NCKAP5: variants seen among roughly 807,000 people sequenced by gnomAD.
The protein encoded by NCKAP5 is nck-associated protein 5.
A neutral mutation model predicts 167.0 loss-of-function variants in NCKAP5; 92 were observed. The ratio of observed to expected loss-of-function variants is 0.55; its 90% CI spans 0.47 to 0.66. The LOEUF is 0.66. Ranked by LOEUF, NCKAP5 falls within the 30% of genes least tolerant of loss-of-function variation. The pLI, the probability that NCKAP5 is intolerant of heterozygous loss-of-function variation, is 0.00. For synonymous variants in NCKAP5, 891 were observed against 877.4 expected (o/e 1.02, Z -0.27); for missense variants, 2,378 against 2,315.0 (o/e 1.03, Z -0.56).
At chr2:133,219,415 A>T (rs569343404) in intron 4 of NCKAP5, among the ~76,000 whole-genome samples, 1 of 152,330 alleles carries the variant, frequency 6.6e-6, no homozygotes, top group East Asian at 1.9e-4. Flanking sequence ...TAAGACATTT[A>T]TGCAGGAAAT....
At chr2:133,032,458 G>A (rs2078910553) in intron 6 of NCKAP5, among the ~76,000 whole-genome samples, 3 of 152,170 alleles carry the variant, frequency 2.0e-5, no homozygotes, top group Admixed American at 1.3e-4. Context: ...TAGAACACCA[G>A]GTAGACTTCT....
chr2:132,973,142 C>T (rs919749220), intron 7 of NCKAP5, among the ~76,000 whole-genome samples: 4 of 152,190 alleles, frequency 2.6e-5, no homozygotes, highest in African/African-American at 9.7e-5. Context: ...CTGCCTTCTA[C>T]ACCGTCACTG....
chr2:133,333,527 G>T, intron 3 of NCKAP5, among the ~76,000 whole-genome samples: 1 of 152,200 alleles, frequency 6.6e-6, no homozygotes, highest in Middle Eastern at 3.4e-3. Flanking sequence ...AAGACTCAAC[G>T]GTCCTACCTT....
chr2:132,773,930 G>A (rs773996549), intron 15 of NCKAP5, 36 bp from the exon 16 acceptor site: 5 of 1,561,534 alleles, frequency 3.2e-6, no homozygotes, highest in Middle Eastern at 1.8e-4. Flanking sequence ...GTTCTTATTT[G>A]TTTTATTAAA....
At chr2:133,608,384 G>A in the NCKAP5 span, among the ~76,000 whole-genome samples, 1 of 152,142 alleles carries the variant, frequency 6.6e-6, no homozygotes, top group African/African-American at 2.4e-5. Context: ...ATCAAAAGCT[G>A]TATATACTAC....
intron 5 of NCKAP5, 149 bp downstream of exon 5, chr2:133,213,567 A>C: frequency 2.8e-6 from 2 of 722,674 alleles, no homozygotes; most frequent in Non-Finnish European, 2.3e-6. Flanking sequence ...GAGCTGTATA[A>C]ATTCTATTAT....
chr2:133,151,872 TG>T (rs976271288), intron 5 of NCKAP5, among the ~76,000 whole-genome samples: 2 of 152,046 alleles, frequency 1.3e-5, no homozygotes, highest in Admixed American at 1.3e-4. Context: ...GAGGTTGAGG[TG>T]GGGGGACCTC....
the NCKAP5 span, among the ~76,000 whole-genome samples, chr2:133,647,245 G>A: frequency 6.6e-5 from 10 of 151,884 alleles, no homozygotes; most frequent in East Asian, 1.9e-3. Context: ...GCTGAGGTGG[G>A]AGGATTGCTT....
At chr2:133,279,534 CT>C (rs151064453) in intron 4 of NCKAP5, among the ~76,000 whole-genome samples, 23 of 152,172 alleles carry the variant, frequency 1.5e-4, no homozygotes, top group Non-Finnish European at 3.1e-4. Context: ...GTCCAATATA[CT>C]TTTTTTTCAC....
intron 4 of NCKAP5, among the ~76,000 whole-genome samples, chr2:133,242,264 T>C (rs966713851): frequency 4.6e-5 from 7 of 151,676 alleles, no homozygotes; most frequent in Non-Finnish European, 7.4e-5. Flanking sequence ...CTTTTCTTTT[T>C]TTTTTAACTG....
chr2:133,588,341 C>T, the NCKAP5 span, among the ~76,000 whole-genome samples: 4 of 120,994 alleles, frequency 3.3e-5, no homozygotes, highest in African/African-American at 1.2e-4. Context: ...TTCCCTCCTT[C>T]TTCCCTTCCT....
chr2:132,757,389 G>A (rs570386563), intron 16 of NCKAP5, among the ~76,000 whole-genome samples: 5 of 152,278 alleles, frequency 3.3e-5, no homozygotes, highest in African/African-American at 1.2e-4. Context: ...TCATTAAAAA[G>A]TACCCAGATC....
At chr2:133,242,527 T>C (rs547282364) in intron 4 of NCKAP5, among the ~76,000 whole-genome samples, 3 of 152,254 alleles carry the variant, frequency 2.0e-5, no homozygotes, top group Admixed American at 6.5e-5. Flanking sequence ...CTTACTTGGA[T>C]TGTGGGTTTA....
chr2:133,656,878 C>A, the NCKAP5 span, among the ~76,000 whole-genome samples: 3 of 151,780 alleles, frequency 2.0e-5, no homozygotes, highest in African/African-American at 7.2e-5. Flanking sequence ...ATCACCCAAG[C>A]AGTATACATT....
intron 5 of NCKAP5, among the ~76,000 whole-genome samples, chr2:133,138,133 T>C (rs2082862802): frequency 1.3e-5 from 2 of 151,828 alleles, no homozygotes; most frequent in South Asian, 4.2e-4. Context: ...GTGGTGTGCA[T>C]AGGCATCTAT....
chr2:133,512,921 G>T (rs1160270303), intron 3 of NCKAP5, among the ~76,000 whole-genome samples: 1 of 152,094 alleles, frequency 6.6e-6, no homozygotes, highest in African/African-American at 2.4e-5. Context: ...TTCCCAGAGT[G>T]ACCTCAGCAT....
intron 8 of NCKAP5, among the ~76,000 whole-genome samples, chr2:132,904,516 A>G: frequency 6.6e-6 from 1 of 152,152 alleles, no homozygotes; most frequent in African/African-American, 2.4e-5. Context: ...TTTGAAAGAT[A>G]GAGCCCTGCA....
intron 8 of NCKAP5, among the ~76,000 whole-genome samples, chr2:132,935,056 AG>A (rs1444445975): frequency 1.3e-5 from 2 of 152,230 alleles, no homozygotes; most frequent in Non-Finnish European, 2.9e-5. Flanking sequence ...AGATTGGTTC[AG>A]GGAAGAGTAT....
At chr2:133,228,698 T>A (rs1017455430) in intron 4 of NCKAP5, among the ~76,000 whole-genome samples, 1 of 152,166 alleles carries the variant, frequency 6.6e-6, no homozygotes, top group Non-Finnish European at 1.5e-5. Context: ...CACAAACAAA[T>A]CAGAAAGTAT....
Sources: gnomAD v4.1 joint callset for allele counts (sites outside exome capture counted in the v4.1 genomes callset) on GRCh38, gnomAD v4.1.1 for gene constraint, MANE v1.5 for transcripts, NCBI Gene and HGNC (gene_info 2026-07-23, HGNC 2026-07-21) for gene names.